The following ZCCHC7 variants were observed in gnomAD, a reference collection of about 807,000 sequenced individuals.
ZCCHC7 encodes the protein zinc finger CCHC-type containing 7.
ZCCHC7 carries 35 observed loss-of-function variants against 52.0 expected under a neutral mutation model. The observed-to-expected ratio is 0.67, with a 90% CI of 0.51 to 0.89. ZCCHC7 has a LOEUF of 0.89. Ranked by LOEUF, ZCCHC7 falls within the 40% of genes least tolerant of loss-of-function variation. ZCCHC7 has a pLI of 0.00. For missense variants in ZCCHC7, 574 were observed against 649.1 expected (o/e 0.88, Z 1.26); for synonymous variants, 217 against 221.5 (o/e 0.98, Z 0.18).
At chr9:37,156,409 G>A (rs575699018) in intron 2 of ZCCHC7, among the ~76,000 whole-genome samples, 2 of 152,134 alleles carry the variant, frequency 1.3e-5, no homozygotes, top group South Asian at 4.1e-4. Context: ...TTCCCAAAGG[G>A]AGAGATCATA....
chr9:37,288,307 TCTATATAGATA>T (rs1360188634), intron 2 of ZCCHC7, among the ~76,000 whole-genome samples: 1 of 149,550 alleles, frequency 6.7e-6, no homozygotes, highest in Non-Finnish European at 1.5e-5. Context: ...TATCTATCTA[TCTATATAGATA>T]GATAGATAGA....
At chr9:37,151,105 C>T in intron 2 of ZCCHC7, among the ~76,000 whole-genome samples, 1 of 151,838 alleles carries the variant, frequency 6.6e-6, no homozygotes, top group Middle Eastern at 3.2e-3. Context: ...GCTGGGACTA[C>T]AGGCGCCTGC....
At chr9:37,285,209 T>G (rs1449765379) in intron 2 of ZCCHC7, among the ~76,000 whole-genome samples, 1 of 152,122 alleles carries the variant, frequency 6.6e-6, no homozygotes, top group Non-Finnish European at 1.5e-5. Flanking sequence ...ATGGAAAAAT[T>G]TATCTTAGAG....
intron 2 of ZCCHC7, among the ~76,000 whole-genome samples, chr9:37,225,944 C>T (rs1588510712): frequency 6.6e-6 from 1 of 152,102 alleles, no homozygotes; most frequent in East Asian, 1.9e-4. Context: ...CATTGTACTG[C>T]CAGTGCAATA....
At chr9:37,158,319 A>G (rs888821178) in intron 2 of ZCCHC7, among the ~76,000 whole-genome samples, 1 of 152,238 alleles carries the variant, frequency 6.6e-6, no homozygotes, top group Non-Finnish European at 1.5e-5. Flanking sequence ...AGGGTATTAT[A>G]TAGACCCAAG....
At chr9:37,242,149 G>A (rs1285853002) in intron 2 of ZCCHC7, among the ~76,000 whole-genome samples, 1 of 151,674 alleles carries the variant, frequency 6.6e-6, no homozygotes. Flanking sequence ...GCCAAATAAG[G>A]AAATCATAAC....
chr9:37,185,497 A>G (rs1822604506), intron 2 of ZCCHC7, among the ~76,000 whole-genome samples: 2 of 152,346 alleles, frequency 1.3e-5, no homozygotes, highest in Middle Eastern at 3.4e-3. Flanking sequence ...CATAAACTCA[A>G]TGGCTTAAAA....
chr9:37,269,882 C>G (rs1408140264), intron 2 of ZCCHC7, among the ~76,000 whole-genome samples: 1 of 152,026 alleles, frequency 6.6e-6, no homozygotes. Context: ...TTTGAGGCAC[C>G]TAGGCCAGTT....
At chr9:37,127,499 G>A (rs1284917182) in intron 2 of ZCCHC7, among the ~76,000 whole-genome samples, 1 of 152,192 alleles carries the variant, frequency 6.6e-6, no homozygotes, top group Non-Finnish European at 1.5e-5. Context: ...AGGGGAGAAT[G>A]CAAATTTTGA....
intron 5 of ZCCHC7, among the ~76,000 whole-genome samples, chr9:37,321,899 A>G (rs1315042801): frequency 6.6e-6 from 1 of 152,220 alleles, no homozygotes. Flanking sequence ...GAACCTTTGC[A>G]GACTTAGTTT....
intron 2 of ZCCHC7, among the ~76,000 whole-genome samples, chr9:37,284,972 A>G (rs930481459): frequency 2.0e-5 from 3 of 152,102 alleles, no homozygotes; most frequent in African/African-American, 7.2e-5. Context: ...TAATTTTTTT[A>G]ATTTCCTTTT....
chr9:37,247,625 A>G (rs556215954), intron 2 of ZCCHC7, among the ~76,000 whole-genome samples: 1 of 152,248 alleles, frequency 6.6e-6, no homozygotes, highest in Admixed American at 6.5e-5. Context: ...TGAAGTTGGA[A>G]GTTGGGTGTA....
At chr9:37,186,714 C>T in intron 2 of ZCCHC7, 1 of 581,458 alleles carries the variant, frequency 1.7e-6, no homozygotes, top group Non-Finnish European at 3.2e-6. Context: ...CCTTGCAGGC[C>T]AAGAATAAAA....
At chr9:37,284,581 G>C (rs1828122650) in intron 2 of ZCCHC7, among the ~76,000 whole-genome samples, 1 of 143,684 alleles carries the variant, frequency 7.0e-6, no homozygotes, top group African/African-American at 2.6e-5. Flanking sequence ...AGTCAGCACG[G>C]TGTGAGTTTA....
At chr9:37,157,295 G>C (rs1453350039) in intron 2 of ZCCHC7, among the ~76,000 whole-genome samples, 2 of 151,452 alleles carry the variant, frequency 1.3e-5, no homozygotes, top group Non-Finnish European at 2.9e-5. Flanking sequence ...CCAGGCGTTT[G>C]AAACTAGCCT....
At chr9:37,148,714 CT>C (rs976878882) in intron 2 of ZCCHC7, among the ~76,000 whole-genome samples, 5 of 151,122 alleles carry the variant, frequency 3.3e-5, no homozygotes, top group African/African-American at 9.7e-5. Context: ...TTCAAGAGAA[CT>C]TTTTTTTTAA....
chr9:37,141,806 A>C (rs1161603651), intron 2 of ZCCHC7, among the ~76,000 whole-genome samples: 3 of 151,880 alleles, frequency 2.0e-5, no homozygotes, highest in Non-Finnish European at 4.4e-5. Flanking sequence ...CGGTGGACAC[A>C]TTTTTACTTT....
rs796809664 is a variant in ZCCHC7, at chr9:37,334,788, A to G, written c.987+6954A>G. Among the ~76,000 whole-genome samples the G allele has an allele frequency of 3.9e-5, 6 of 152,084 alleles. No homozygotes were observed. The South Asian group carries it at 1.2e-3, about 31-fold the overall frequency. ...ATACCGAAAACAAGTGAAGAAATATATTACCTCTTTAGAAAGCATTTAACA... is the reference window on the plus strand; with the variant it reads ...ATACCGAAAACAAGTGAAGAAATATGTTACCTCTTTAGAAAGCATTTAACA... On this transcript the variant is annotated intron_variant, in intron 6 of 8. Transcript: ENST00000336755.
chr9:37,156,835 T>C (rs1050265324), intron 2 of ZCCHC7, among the ~76,000 whole-genome samples: 3 of 152,154 alleles, frequency 2.0e-5, no homozygotes, highest in African/African-American at 7.2e-5. Context: ...TATTTACCCT[T>C]GTTACCAATG....
Sources: allele counts gnomAD v4.1 joint callset (sites outside exome capture counted in the v4.1 genomes callset), GRCh38; gene constraint gnomAD v4.1.1; transcripts MANE v1.5; gene names NCBI Gene and HGNC (gene_info 2026-07-23, HGNC 2026-07-21).